ARHGAP6: variants seen among roughly 807,000 people sequenced by gnomAD.
The protein encoded by ARHGAP6 is rho GTPase-activating protein 6.
Under a neutral mutation model 55.7 loss-of-function variants are expected in ARHGAP6, and 16 were observed. The observed-to-expected ratio is 0.29, with a 90% CI of 0.19 to 0.44. The LOEUF (loss-of-function observed/expected upper bound fraction) is 0.44. ARHGAP6 is among the 20% of genes least tolerant of loss of function. ARHGAP6 has a pLI of 1.00. For missense variants in ARHGAP6, 698 were observed against 808.9 expected (o/e 0.86, Z 1.66); for synonymous variants, 382 against 360.9 (o/e 1.06, Z -0.66).
At chrX:11,614,875 C>A (rs891695870) in intron 1 of ARHGAP6, among the ~76,000 whole-genome samples, 6 of 110,906 alleles carry the variant, frequency 5.4e-5, no homozygotes, top group Non-Finnish European at 9.4e-5. Flanking sequence ...ATGTAAATTT[C>A]ATGGGTGGAG....
At chrX:11,161,087 G>C (rs1260821501) in intron 9 of ARHGAP6, among the ~76,000 whole-genome samples, 1 of 112,142 alleles carries the variant, frequency 8.9e-6, no homozygotes, top group African/African-American at 3.2e-5. Flanking sequence ...CAGAAAATTG[G>C]AGTCAGTGGG....
intron 1 of ARHGAP6, among the ~76,000 whole-genome samples, chrX:11,603,142 C>A (rs778061895): frequency 9.0e-6 from 1 of 111,598 alleles, no homozygotes; most frequent in Non-Finnish European, 1.9e-5. Flanking sequence ...TGGAAAGTAG[C>A]ACTAAGGTTG....
At chrX:11,327,092 T>C (rs770848685) in intron 1 of ARHGAP6, among the ~76,000 whole-genome samples, 16 of 111,682 alleles carry the variant, frequency 1.4e-4, no homozygotes. Context: ...GAAGGAAAAA[T>C]AGAAAACTTC....
intron 1 of ARHGAP6, among the ~76,000 whole-genome samples, chrX:11,287,250 A>G (rs1251659261): frequency 1.8e-5 from 2 of 111,802 alleles, no homozygotes; most frequent in Non-Finnish European, 3.8e-5. Context: ...GAAAAACATT[A>G]TGTTCTGTAT....
chrX:11,384,296 G>A (rs956626432), intron 1 of ARHGAP6, among the ~76,000 whole-genome samples: 3 of 111,778 alleles, frequency 2.7e-5, no homozygotes, highest in Non-Finnish European at 5.6e-5. Flanking sequence ...GGAAAAACCA[G>A]GATGAGTCTG....
At chrX:11,434,090 G>A (rs1411690004) in intron 1 of ARHGAP6, among the ~76,000 whole-genome samples, 1 of 111,831 alleles carries the variant, frequency 8.9e-6, no homozygotes, top group Non-Finnish European at 1.9e-5. Flanking sequence ...CACAACTGCA[G>A]GGGAAGGGTG....
chrX:11,319,425 G>C (rs1286902786), intron 1 of ARHGAP6, among the ~76,000 whole-genome samples: 1 of 111,555 alleles, frequency 9.0e-6, no homozygotes, highest in Admixed American at 9.6e-5. Context: ...CTTCAACAGG[G>C]CCTGAGAATT....
chrX:11,493,835 C>CTTTTTTT (rs35315280), intron 1 of ARHGAP6, among the ~76,000 whole-genome samples: 7 of 88,399 alleles, frequency 7.9e-5, no homozygotes, highest in African/African-American at 2.9e-4. Context: ...AACAGAATGC[C>CTTTTTTT]TTTTTTTTTT....
intron 1 of ARHGAP6, among the ~76,000 whole-genome samples, chrX:11,344,350 C>T (rs1333408552): frequency 9.0e-6 from 1 of 111,103 alleles, no homozygotes; most frequent in African/African-American, 3.3e-5. Context: ...TGGGGGTTCT[C>T]AACCTCAGCA....
rs1165377056 is a variant in ARHGAP6 at position 11,636,558 on chromosome X, A to C, written c.588+27683T>G. Among the ~76,000 whole-genome samples the C allele has an allele frequency of 3.6e-5, 4 of 111,218 alleles. No individual in the cohort carries two copies. The East Asian group carries it at 1.1e-3, about 31-fold the overall frequency. Reference sequence around the variant, plus strand: ...GCCTATCTAGAGTTTGTAGGATGAAAAAAGGTCTCCAATGACTTGGGGAAA... The same window carrying C: ...GCCTATCTAGAGTTTGTAGGATGAACAAAGGTCTCCAATGACTTGGGGAAA... On this transcript the variant is annotated intron_variant, in intron 1 of 12. Coordinates refer to ENST00000337414, the MANE Select transcript of ARHGAP6 (RefSeq NM_013427.3).
intron 1 of ARHGAP6, among the ~76,000 whole-genome samples, chrX:11,309,708 C>A (rs2048274822): frequency 9.0e-6 from 1 of 110,766 alleles, no homozygotes; most frequent in East Asian, 2.8e-4. Flanking sequence ...AGATTTGTAT[C>A]CAGAATCTGA....
intron 1 of ARHGAP6, among the ~76,000 whole-genome samples, chrX:11,321,877 C>T (rs952243411): frequency 3.6e-5 from 4 of 112,016 alleles, no homozygotes; most frequent in Non-Finnish European, 5.6e-5. Context: ...AAAAAAGAAA[C>T]GGATCATAAA....
intron 9 of ARHGAP6, among the ~76,000 whole-genome samples, chrX:11,158,118 G>A (rs1411383207): frequency 1.8e-5 from 2 of 111,631 alleles, no homozygotes; most frequent in African/African-American, 3.3e-5. Context: ...TATACCCCAC[G>A]TTCCCTCTGG....
chrX:11,145,874 A>C (rs1054186254), intron 10 of ARHGAP6, among the ~76,000 whole-genome samples: 12 of 112,573 alleles, frequency 1.1e-4, no homozygotes, highest in Non-Finnish European at 2.3e-4. Flanking sequence ...TGGGGCCAGC[A>C]AATTTTTTAA....
At chrX:11,150,667 T>C (rs918531445) in intron 10 of ARHGAP6, among the ~76,000 whole-genome samples, 1 of 111,805 alleles carries the variant, frequency 8.9e-6, no homozygotes, top group Admixed American at 9.5e-5. Flanking sequence ...AAAGTAGATT[T>C]TGAAAATCTT....
At chrX:11,361,524 A>C (rs1203360392) in intron 1 of ARHGAP6, among the ~76,000 whole-genome samples, 3 of 110,540 alleles carry the variant, frequency 2.7e-5, no homozygotes, top group Non-Finnish European at 3.8e-5. Context: ...TAAAGACTTA[A>C]ATGTTAGACC....
intron 1 of ARHGAP6, among the ~76,000 whole-genome samples, chrX:11,340,991 A>G (rs777042178): frequency 9.3e-5 from 9 of 97,021 alleles, no homozygotes; most frequent in Non-Finnish European, 1.8e-4. Context: ...CCAACAGATC[A>G]ATGGTTGCCA....
At chrX:11,417,768 T>C (rs1394316737) in intron 1 of ARHGAP6, among the ~76,000 whole-genome samples, 2 of 111,899 alleles carry the variant, frequency 1.8e-5, no homozygotes, top group Non-Finnish European at 3.8e-5. Context: ...CATGCAGACT[T>C]GGCAATCAAA....
At chrX:11,144,371 AC>A in intron 10 of ARHGAP6, 123 bp from the exon 11 acceptor site, 1 of 963,267 alleles carries the variant, frequency 1.0e-6, no homozygotes, top group Non-Finnish European at 1.4e-6. Flanking sequence ...AAACAAAAAG[AC>A]CATTTTGAGC....
Sources: gnomAD v4.1 joint callset for allele counts (sites outside exome capture counted in the v4.1 genomes callset) on GRCh38, gnomAD v4.1.1 for gene constraint, MANE v1.5 for transcripts, NCBI Gene and HGNC (gene_info 2026-07-23, HGNC 2026-07-21) for gene names.